Variants in KLHL2 observed in about 807,000 individuals in gnomAD.
The protein encoded by KLHL2 is kelch like family member 2.
A neutral mutation model predicts 75.8 loss-of-function variants in KLHL2; 15 were observed. The observed-to-expected ratio is 0.20, with a 90% CI of 0.13 to 0.30. KLHL2 has a LOEUF of 0.30. KLHL2 is among the 10% of genes least tolerant of loss of function. KLHL2 has a pLI of 1.00. For synonymous variants in KLHL2, 214 were observed against 251.9 expected (o/e 0.85, Z 1.42); for missense variants, 381 against 741.0 (o/e 0.51, Z 5.64).
At chr4:165,218,392 T>C (rs1051054647) in intron 1 of KLHL2, among the ~76,000 whole-genome samples, 1 of 152,166 alleles carries the variant, frequency 6.6e-6, no homozygotes, top group African/African-American at 2.4e-5. Context: ...CATATTGGCC[T>C]TTGCTGTAGT....
rs1560828932 is a variant in KLHL2 at position 165,310,662 on chromosome 4, T to G, written c.1149T>G (p.Val383=). Residue 383 remains valine, a synonymous_variant, in exon 10 of 15, where the codon GTT becomes GTG. Coordinates refer to ENST00000226725, the MANE Select transcript of KLHL2 (RefSeq NM_007246.4). ...CTGTGAAGGACCAGTGGACCAGCGT[T>G]GCTAACATGAGAGACCGGAGAAGCA... ...YDPVKDQWTS[V]ANMRDRRSTL... is the part of the protein sequence containing the mutation. The G allele has an allele frequency of 1.2e-6, 2 of 1,614,156 alleles. No individual in the cohort carries two copies. Among genetic ancestry groups the G allele is most frequent in the Non-Finnish European group, 1.7e-6 (2 of 1,180,006 alleles).
At chr4:165,247,327 A>C (rs1465683552) in intron 4 of KLHL2, among the ~76,000 whole-genome samples, 1 of 152,210 alleles carries the variant, frequency 6.6e-6, no homozygotes, top group African/African-American at 2.4e-5. Context: ...AAGTGGACTC[A>C]GAGAGTACCG....
intron 3 of KLHL2, among the ~76,000 whole-genome samples, chr4:165,233,463 G>A (rs1163116047): frequency 2.0e-5 from 3 of 151,912 alleles, no homozygotes; most frequent in Non-Finnish European, 4.4e-5. Flanking sequence ...TTTTTGGTGT[G>A]CTTTTTGATT....
intron 3 of KLHL2, among the ~76,000 whole-genome samples, chr4:165,234,613 A>ATTTTTTTTTTTTTTTTTTTTTTTTTTT (rs1186473633): frequency 8.7e-6 from 1 of 115,282 alleles, no homozygotes; most frequent in African/African-American, 3.5e-5. Context: ...TTGAGTTGGA[A>ATTTTTTTTTTTTTTTTTTTTTTTTTTT]TTTTTTTTTT....
chr4:165,210,013 G>C, intron 1 of KLHL2: 2 of 1,519,414 alleles, frequency 1.3e-6, no homozygotes, highest in Non-Finnish European at 1.8e-6. Context: ...AACTTTACCG[G>C]GCCTCACTGC....
At chr4:165,279,368 T>G (rs1259797393) in intron 5 of KLHL2, 4 of 1,583,958 alleles carry the variant, frequency 2.5e-6, no homozygotes. Context: ...GGTTTCCCTC[T>G]GGTTGCTGAC....
chr4:165,321,904 A>C (rs1200766970), intron 14 of KLHL2, 128 bp from the exon 15 acceptor site: 2 of 821,012 alleles, frequency 2.4e-6, no homozygotes, highest in African/African-American at 3.6e-5. Context: ...AAGTTTAAGA[A>C]AGAGATTCTG....
intron 5 of KLHL2, among the ~76,000 whole-genome samples, chr4:165,265,459 A>G (rs1490234461): frequency 1.3e-5 from 2 of 152,192 alleles, no homozygotes; most frequent in East Asian, 3.9e-4. Flanking sequence ...GTTTCGGCCA[A>G]TGCCCAGAAG....
At chr4:165,251,768 C>T (rs1740736692) in intron 4 of KLHL2, among the ~76,000 whole-genome samples, 1 of 151,548 alleles carries the variant, frequency 6.6e-6, no homozygotes, top group Admixed American at 6.6e-5. Context: ...CGCCACTACG[C>T]CCGGCTAATT....
At chr4:165,282,840 C>T (rs2126430617) in intron 5 of KLHL2, among the ~76,000 whole-genome samples, 1 of 151,556 alleles carries the variant, frequency 6.6e-6, no homozygotes, top group Non-Finnish European at 1.5e-5. Context: ...AGTCCATTTC[C>T]ATGCTGCTGA....
At chr4:165,313,188 G>T in intron 11 of KLHL2, 50 bp from the exon 12 acceptor site, 2 of 1,574,010 alleles carry the variant, frequency 1.3e-6, no homozygotes, top group East Asian at 2.3e-5. Context: ...AGTGTTTTTT[G>T]TTTGTTTGTT....
rs1369728562 is a variant in KLHL2, at chr4:165,290,468, TTTTG to T, written c.545-3875_545-3872del. ...AACTTTTAATATAAAGAACCTTGTT[TTTTG>T]TTTGTTTGTTTGTTTAAATATGTTC... On this transcript the variant is annotated intron_variant, in intron 5 of 14. Transcript: ENST00000226725. Among the ~76,000 whole-genome samples, 9 of 152,280 alleles carry T rather than the reference TTTTG, an allele frequency of 5.9e-5. No homozygotes were observed. In the South Asian group the frequency reaches 1.0e-3, roughly 18 times the overall value.
Position 165,322,125 on chromosome 4 carries a change from G to GCTAGATTCTCAGTC in KLHL2, c.*65_*66insCTAGATTCTCAGTC. ...AGCCTTCAACAAGTATTTGTGAAGT[G>GCTAGATTCTCAGTC]ACTGAGAATCTAGCACTTCTCCACT... On this transcript the variant is annotated 3_prime_UTR_variant, in exon 15 of 15. Coordinates refer to ENST00000226725, the MANE Select transcript of KLHL2 (RefSeq NM_007246.4). 7.0e-7 allele frequency: 1 copy of GCTAGATTCTCAGTC among 1,426,206 alleles called. No homozygotes were observed. The highest frequency in any genetic ancestry group is 9.9e-7 in the Non-Finnish European group (1 of 1,009,572). 88.3% of individuals were successfully genotyped at this position (1,426,206 alleles called of 1,614,324 possible).
At chr4:165,321,566 C>T (rs530483976) in intron 14 of KLHL2, among the ~76,000 whole-genome samples, 3 of 152,148 alleles carry the variant, frequency 2.0e-5, no homozygotes, top group South Asian at 2.1e-4. Flanking sequence ...TTAAATTATG[C>T]GGGAGTAAAA....
chr4:165,315,765 T>C (rs889673294), intron 13 of KLHL2, among the ~76,000 whole-genome samples: 5 of 152,150 alleles, frequency 3.3e-5, no homozygotes, highest in African/African-American at 1.2e-4. Context: ...ACCTAAATTA[T>C]TGGAAAGAAA....
intron 14 of KLHL2, among the ~76,000 whole-genome samples, chr4:165,320,514 C>T (rs1210974008): frequency 1.3e-5 from 2 of 152,064 alleles, no homozygotes; most frequent in Non-Finnish European, 2.9e-5. Context: ...GTCTACTTGC[C>T]CCTAAACACA....
At chr4:165,219,785 A>G in intron 1 of KLHL2, 149 bp from the exon 2 acceptor site, 1 of 1,361,884 alleles carries the variant, frequency 7.3e-7, no homozygotes, top group Non-Finnish European at 9.7e-7. Context: ...AATTGTCTTA[A>G]CCTTACATTG....
chr4:165,226,196 A>T (rs77739843), intron 2 of KLHL2, among the ~76,000 whole-genome samples: 1,942 of 125,776 alleles, frequency 0.015, no homozygotes, highest in East Asian at 0.019. Context: ...AGAAACCTGG[A>T]TTGCTTTATT....
At chr4:165,258,239 A>G (rs1275898711) in intron 4 of KLHL2, among the ~76,000 whole-genome samples, 1 of 152,212 alleles carries the variant, frequency 6.6e-6, no homozygotes, top group Non-Finnish European at 1.5e-5. Context: ...CATTCAAAAT[A>G]TATATCAAAT....
Sources: allele counts gnomAD v4.1 joint callset (sites outside exome capture counted in the v4.1 genomes callset), GRCh38; gene constraint gnomAD v4.1.1; transcripts MANE v1.5; gene names NCBI Gene and HGNC (gene_info 2026-07-23, HGNC 2026-07-21).